HS6ST2: variants seen among roughly 807,000 people sequenced by gnomAD.
HS6ST2 encodes the protein heparan-sulfate 6-O-sulfotransferase 2.
Under a neutral mutation model 33.0 loss-of-function variants are expected in HS6ST2, and 17 were observed. That is an observed-to-expected ratio of 0.52 (90% CI 0.35 to 0.77). HS6ST2 has a LOEUF of 0.77. Among genes scored for constraint, HS6ST2 ranks in the 30% least tolerant of loss-of-function variants. The pLI is 0.01. For missense variants in HS6ST2, 519 were observed against 551.7 expected (o/e 0.94, Z 0.59); for synonymous variants, 248 against 237.1 (o/e 1.05, Z -0.42).
chrX:132,791,823 AAATC>A (rs1362026965), intron 2 of HS6ST2, among the ~76,000 whole-genome samples: 1 of 110,306 alleles, frequency 9.1e-6, no homozygotes, highest in Admixed American at 9.7e-5. Context: ...AAAAAAAAAA[AAATC>A]AAACAAATAG....
intron 3 of HS6ST2, among the ~76,000 whole-genome samples, chrX:132,680,310 G>A (rs761016748): frequency 1.9e-4 from 21 of 111,125 alleles, no homozygotes; most frequent in Non-Finnish European, 3.4e-4. Flanking sequence ...CTGACTTCCC[G>A]CAACACAGCC....
intron 2 of HS6ST2, among the ~76,000 whole-genome samples, chrX:132,774,011 T>A (rs1344883442): frequency 8.9e-6 from 1 of 112,307 alleles, no homozygotes; most frequent in East Asian, 2.8e-4. Context: ...TTTTAAAAAC[T>A]CAATATGAAA....
At chrX:132,678,443 G>T (rs2063941279) in intron 3 of HS6ST2, among the ~76,000 whole-genome samples, 1 of 112,367 alleles carries the variant, frequency 8.9e-6, no homozygotes, top group Admixed American at 9.4e-5. Flanking sequence ...GGGTAGAAAG[G>T]AAAGTTCCCC....
At chrX:132,813,646 CTCTT>C (rs1169288960) in intron 2 of HS6ST2, among the ~76,000 whole-genome samples, 1 of 111,164 alleles carries the variant, frequency 9.0e-6, no homozygotes, top group East Asian at 2.8e-4. Flanking sequence ...ATTGGTGACT[CTCTT>C]TGACTCTTGC....
chrX:132,923,086 TTCTGGTTGACA>T (rs1454208585), intron 2 of HS6ST2, among the ~76,000 whole-genome samples: 4 of 84,165 alleles, frequency 4.8e-5, no homozygotes, highest in Non-Finnish European at 9.3e-5. Context: ...AAAAAAAAAA[TTCTGGTTGACA>T]ACTGGTTGAG....
chrX:132,951,575 A>T (rs2067017022), intron 2 of HS6ST2, among the ~76,000 whole-genome samples: 1 of 111,979 alleles, frequency 8.9e-6, no homozygotes, highest in South Asian at 3.8e-4. Context: ...GACCAAGGGA[A>T]GGAAAAGGGC....
chrX:132,711,347 A>G (rs1254678559), intron 2 of HS6ST2, among the ~76,000 whole-genome samples: 1 of 111,099 alleles, frequency 9.0e-6, no homozygotes, highest in Admixed American at 9.6e-5. Flanking sequence ...TCACTTTTGT[A>G]TGAAGGATCC....
chrX:132,871,165 A>G (rs2066053651), intron 2 of HS6ST2, among the ~76,000 whole-genome samples: 1 of 112,633 alleles, frequency 8.9e-6, no homozygotes, highest in African/African-American at 3.2e-5. Flanking sequence ...CAACAAACAT[A>G]TGAAAAAAAG....
chrX:132,749,867 A>C (rs1367538404), intron 2 of HS6ST2, among the ~76,000 whole-genome samples: 1 of 111,190 alleles, frequency 9.0e-6, no homozygotes, highest in African/African-American at 3.3e-5. Flanking sequence ...ATTCGAAGTG[A>C]TTCTATAAGG....
At chrX:132,866,019 G>A (rs1291126245) in intron 2 of HS6ST2, among the ~76,000 whole-genome samples, 3 of 111,620 alleles carry the variant, frequency 2.7e-5, no homozygotes, top group Non-Finnish European at 5.6e-5. Context: ...TTTTGTTGCA[G>A]TTGCTTTTGG....
chrX:132,923,062 CAA>C (rs34136355), intron 2 of HS6ST2, among the ~76,000 whole-genome samples: 8 of 47,601 alleles, frequency 1.7e-4, no homozygotes, highest in South Asian at 1.6e-3. Flanking sequence ...GACTCTGTCT[CAA>C]AAAAAAAAAA....
intron 2 of HS6ST2, among the ~76,000 whole-genome samples, chrX:132,746,483 C>T (rs911251513): frequency 9.1e-6 from 1 of 109,964 alleles, no homozygotes; most frequent in South Asian, 4.0e-4. Flanking sequence ...AGCAACAGAG[C>T]GAGACTCCGT....
intron 2 of HS6ST2, among the ~76,000 whole-genome samples, chrX:132,868,894 T>C (rs2066023371): frequency 9.1e-6 from 1 of 109,592 alleles, no homozygotes; most frequent in African/African-American, 3.3e-5. Context: ...AGCAAACAAA[T>C]TCAAAACCTA....
intron 2 of HS6ST2, among the ~76,000 whole-genome samples, chrX:132,752,949 G>T (rs2064720963): frequency 8.9e-6 from 1 of 112,417 alleles, no homozygotes; most frequent in Non-Finnish European, 1.9e-5. Flanking sequence ...CAGGCTTCCA[G>T]AGCTCTATCT....
chrX:132,654,195 T>C (rs1315269071), intron 4 of HS6ST2, among the ~76,000 whole-genome samples: 1 of 111,384 alleles, frequency 9.0e-6, no homozygotes, highest in Non-Finnish European at 1.9e-5. Context: ...GCATGATAGA[T>C]ATATTTATGT....
intron 4 of HS6ST2, among the ~76,000 whole-genome samples, chrX:132,645,299 A>G (rs759040019): frequency 4.4e-5 from 5 of 112,825 alleles, no homozygotes; most frequent in Non-Finnish European, 7.5e-5. Context: ...GCAGGAGGCC[A>G]TCCAAAAATC....
At chrX:132,949,837 G>A (rs1036594576) in intron 2 of HS6ST2, among the ~76,000 whole-genome samples, 3 of 110,163 alleles carry the variant, frequency 2.7e-5, no homozygotes, top group Non-Finnish European at 5.7e-5. Flanking sequence ...GATTTGGGAG[G>A]GGTAGGAGAT....
chrX:132,934,733 T>C (rs1436353492), intron 2 of HS6ST2, among the ~76,000 whole-genome samples: 1 of 111,330 alleles, frequency 9.0e-6, no homozygotes, highest in African/African-American at 3.3e-5. Flanking sequence ...ATGAGATATA[T>C]GGAAAATCAA....
intron 2 of HS6ST2, among the ~76,000 whole-genome samples, chrX:132,935,507 G>T (rs1420635097): frequency 8.9e-6 from 1 of 112,047 alleles, no homozygotes; most frequent in Non-Finnish European, 1.9e-5. Flanking sequence ...GGGACTGCAG[G>T]TGTGCACCAC....
Sources: gnomAD v4.1 joint callset for allele counts (sites outside exome capture counted in the v4.1 genomes callset) on GRCh38, gnomAD v4.1.1 for gene constraint, MANE v1.5 for transcripts, NCBI Gene and HGNC (gene_info 2026-07-23, HGNC 2026-07-21) for gene names.